The following DGLUCY variants were observed in gnomAD, a reference collection of about 807,000 sequenced individuals.
DGLUCY encodes the protein D-glutamate cyclase, mitochondrial.
DGLUCY carries 58 observed loss-of-function variants against 58.5 expected under a neutral mutation model. That is an observed-to-expected ratio of 0.99 (90% CI 0.80 to 1.23). The LOEUF (loss-of-function observed/expected upper bound fraction) is 1.23. DGLUCY is among the 50% of genes most tolerant of loss of function. The pLI is 0.00. For synonymous variants in DGLUCY, 325 were observed against 314.1 expected (o/e 1.03, Z -0.37); for missense variants, 779 against 784.7 (o/e 0.99, Z 0.09).
In DGLUCY at chr14:91,196,478, C is replaced by CGT. The variant is rs1566999390; in HGVS notation, c.1295+5_1295+6dup. ...ATGGGGACCCGCAGACACCTAGGTACGTATGTCGCATCCCAGTTTAAGTGG... is the reference window on the plus strand; with the variant it reads ...ATGGGGACCCGCAGACACCTAGGTACGTGTATGTCGCATCCCAGTTTAAGTGG... On this transcript the variant is annotated splice_donor_region_variant and intron_variant, in intron 10 of 13. Coordinates refer to ENST00000256324, the MANE Select transcript of DGLUCY (RefSeq NM_001102368.3). 3 of 1,611,860 alleles carry CGT rather than the reference C, an allele frequency of 1.9e-6. No homozygotes were observed. Among genetic ancestry groups the CGT allele is most frequent in the African/African-American group, 1.3e-5 (1 of 74,934 alleles).
At chr14:91,104,283 C>T (rs193051587), upstream of DGLUCY, among the ~76,000 whole-genome samples, 1,480 of 151,728 alleles carry the variant, frequency 9.8e-3, 23 homozygotes, top group African/African-American at 0.034. Context: ...AGGATAGTCT[C>T]GATCTCCTGA....
chr14:91,089,820 CA>C (rs796803760), intron 1 of DGLUCY, among the ~76,000 whole-genome samples: 4,689 of 92,524 alleles, frequency 0.051, 232 homozygotes, highest in African/African-American at 0.16. Context: ...GACTCTGTCT[CA>C]AAAAAAAAAA....
At chr14:91,141,948 C>T (rs1449527174) in intron 1 of DGLUCY, among the ~76,000 whole-genome samples, 1 of 150,804 alleles carries the variant, frequency 6.6e-6, no homozygotes, top group African/African-American at 2.4e-5. Context: ...CAGGTTCAAG[C>T]GATTCTCCTG....
At chr14:91,209,039 C>T (rs868055480) in intron 12 of DGLUCY, among the ~76,000 whole-genome samples, 1 of 152,090 alleles carries the variant, frequency 6.6e-6, no homozygotes, top group African/African-American at 2.4e-5. Flanking sequence ...TGGGGCCAGG[C>T]GCAGTGGCTC....
intron 8 of DGLUCY, among the ~76,000 whole-genome samples, chr14:91,186,753 C>A (rs929020006): frequency 6.6e-6 from 1 of 152,126 alleles, no homozygotes; most frequent in African/African-American, 2.4e-5. Context: ...ACAGAAATCA[C>A]CCTCCAGACA....
chr14:91,061,308 A>G (rs1466365971), intron 1 of DGLUCY, among the ~76,000 whole-genome samples: 34 of 152,198 alleles, frequency 2.2e-4, no homozygotes, highest in Admixed American at 2.2e-3. Flanking sequence ...ACAAAAATTC[A>G]CAGTCCCAGC....
intron 1 of DGLUCY, among the ~76,000 whole-genome samples, chr14:91,154,570 C>T (rs2047508263): frequency 6.6e-6 from 1 of 152,194 alleles, no homozygotes; most frequent in Admixed American, 6.5e-5. Flanking sequence ...TATTTAGGAA[C>T]AAAATGAGAG....
At chr14:91,091,351 T>C (rs1331612784) in intron 1 of DGLUCY, among the ~76,000 whole-genome samples, 1 of 151,876 alleles carries the variant, frequency 6.6e-6, no homozygotes, top group Non-Finnish European at 1.5e-5. Context: ...TAAAACCCCG[T>C]CTTTACTAAA....
intron 12 of DGLUCY, among the ~76,000 whole-genome samples, chr14:91,210,523 T>C (rs555291425): frequency 6.6e-6 from 1 of 152,058 alleles, no homozygotes; most frequent in African/African-American, 2.4e-5. Flanking sequence ...AGAGTGAGAC[T>C]CTGTCTCTCA....
intron 11 of DGLUCY, among the ~76,000 whole-genome samples, chr14:91,203,162 T>C (rs866209964): frequency 5.9e-5 from 9 of 152,206 alleles, no homozygotes; most frequent in South Asian, 4.1e-4. Context: ...ATTCATAAGA[T>C]GCTAAAAAGA....
chr14:91,211,370 C>G (rs1362088865), intron 12 of DGLUCY, among the ~76,000 whole-genome samples: 1 of 152,094 alleles, frequency 6.6e-6, no homozygotes, highest in Non-Finnish European at 1.5e-5. Context: ...TACAGAATAA[C>G]AAACTGAATA....
intron 7 of DGLUCY, among the ~76,000 whole-genome samples, chr14:91,179,291 C>G (rs1566987069): frequency 1.3e-5 from 2 of 152,026 alleles, no homozygotes; most frequent in Non-Finnish European, 1.5e-5. Flanking sequence ...GAGTAAGATA[C>G]TACGTGGTTC....
chr14:91,181,493 ATCCACAGGATGAT>A, intron 8 of DGLUCY, 104 bp downstream of exon 8: 1 of 1,153,238 alleles, frequency 8.7e-7, no homozygotes, highest in Non-Finnish European at 1.2e-6. Context: ...TGCAAAATGT[ATCCACAGGATGAT>A]TTTTTAAATG....
At chr14:91,167,548 C>G (rs2048350973) in intron 4 of DGLUCY, 170 bp downstream of exon 4, 1 of 852,462 alleles carries the variant, frequency 1.2e-6, no homozygotes, top group Non-Finnish European at 1.9e-6. Flanking sequence ...CCCCACTGTT[C>G]TGACTCCTTC....
chr14:91,103,040 G>A (rs2140086427), upstream of DGLUCY, among the ~76,000 whole-genome samples: 1 of 152,072 alleles, frequency 6.6e-6, no homozygotes, highest in Middle Eastern at 3.4e-3. Flanking sequence ...GGGATTACAG[G>A]TGTGAGCCAC....
At chr14:91,175,000 A>G (rs539294584) in intron 6 of DGLUCY, among the ~76,000 whole-genome samples, 1 of 152,290 alleles carries the variant, frequency 6.6e-6, no homozygotes, top group African/African-American at 2.4e-5. Context: ...TTTTTTCTCT[A>G]CACGCTCACC....
intron 1 of DGLUCY, among the ~76,000 whole-genome samples, chr14:91,157,321 G>A (rs1204835550): frequency 6.6e-6 from 1 of 152,118 alleles, no homozygotes; most frequent in East Asian, 1.9e-4. Context: ...GTGGATGGAT[G>A]GATGGATGGA....
intron 1 of DGLUCY, among the ~76,000 whole-genome samples, chr14:91,080,529 C>A (rs1378910608): frequency 1.3e-5 from 2 of 152,140 alleles, no homozygotes; most frequent in Middle Eastern, 3.2e-3. Context: ...CGCCACCACG[C>A]CCAGCCAATT....
At chr14:91,099,599 C>T (rs2044452095) in intron 1 of DGLUCY, among the ~76,000 whole-genome samples, 1 of 151,362 alleles carries the variant, frequency 6.6e-6, no homozygotes, top group South Asian at 2.1e-4. Flanking sequence ...AGATTCTGAT[C>T]TGTTCCCTTA....
Sources: allele counts gnomAD v4.1 joint callset (sites outside exome capture counted in the v4.1 genomes callset), GRCh38; gene constraint gnomAD v4.1.1; transcripts MANE v1.5; gene names NCBI Gene and HGNC (gene_info 2026-07-23, HGNC 2026-07-21).